The following IL3RA variants were observed in gnomAD, a reference collection of about 807,000 sequenced individuals.
IL3RA encodes the protein interleukin 3 receptor subunit alpha.
IL3RA carries 73 observed loss-of-function variants against 52.3 expected under a neutral mutation model. That is an observed-to-expected ratio of 1.40 (90% CI 1.16 to 1.70). IL3RA has a LOEUF of 1.70. Ranked by LOEUF, IL3RA falls within the 40% of genes most tolerant of loss-of-function variation. The probability of loss-of-function intolerance (pLI) is 0.00; values close to 1 mark genes in which losing one functional copy is unlikely to be tolerated. For synonymous variants in IL3RA, 260 were observed against 194.0 expected (o/e 1.34, Z -2.83); for missense variants, 664 against 504.4 (o/e 1.32, Z -3.03).
At chrX:1,345,929 G>C (rs781099834) in intron 3 of IL3RA, among the ~76,000 whole-genome samples, 5 of 152,154 alleles carry the variant, frequency 3.3e-5, no homozygotes, top group South Asian at 4.1e-4. Flanking sequence ...ACTTTGGAGG[G>C]TCTGGTTCCC....
chrX:1,376,811 A>G (rs1327979686), intron 9 of IL3RA, among the ~76,000 whole-genome samples: 2 of 62,030 alleles, frequency 3.2e-5, no homozygotes, highest in Non-Finnish European at 5.6e-5. Flanking sequence ...ACGGACTAAG[A>G]CATCCCATAA....
chrX:1,341,557 T>C lies in IL3RA; in HGVS notation c.-38-171T>C, dbSNP rs17885489. Among the ~76,000 whole-genome samples the C allele has an allele frequency of 6.6e-3, 26 of 3,912 alleles. No individual in the cohort carries two copies. In the Non-Finnish European group the frequency reaches 0.07, roughly 11 times the overall value. The allele number at this position is 3,912 out of a possible 152,430, so 2.6% of individuals were successfully genotyped here. ...AAGCACACTCTGATGTGCATGCATG[T>C]GCAAAGGCGCATTTGCACACAGACA... is the stretch of plus-strand genomic sequence containing the variant. On this transcript the variant is annotated intron_variant, in intron 1 of 11. Coordinates refer to ENST00000331035, the MANE Select transcript of IL3RA (RefSeq NM_002183.4).
intron 9 of IL3RA, among the ~76,000 whole-genome samples, chrX:1,376,648 G>A (rs1445694902): frequency 3.0e-3 from 438 of 147,892 alleles, no homozygotes; most frequent in East Asian, 0.022. Flanking sequence ...ACAGGGAGAA[G>A]ACGGCGTCTC....
In IL3RA at chrX:1,365,202, G is replaced by A. The variant is rs141828957; in HGVS notation, c.824G>A (p.Arg275Gln). 1.1e-5 allele frequency: 17 copies of A among 1,611,374 alleles called. No homozygotes were observed. The East Asian group carries it at 2.7e-4, about 25-fold the overall frequency. ...ACGTACACAGTACAAATAAGAGCCCGGGAAAGAGTGTATGAATTCTTGAGC... is the reference window on the plus strand; with the variant it reads ...ACGTACACAGTACAAATAAGAGCCCAGGAAAGAGTGTATGAATTCTTGAGC... ...PGTYTVQIRA[R>Q]ERVYEFLSAW... Residue 275 changes from arginine to glutamine, a missense_variant, in exon 9 of 12, where the codon CGG becomes CAG. Physicochemically the swap from Arg to Gln is conservative, Grantham distance 43 (BLOSUM62 1). Coordinates refer to ENST00000331035, the MANE Select transcript of IL3RA (RefSeq NM_002183.4).
At chrX:1,343,845 G>A (rs1430646123) in intron 2 of IL3RA, among the ~76,000 whole-genome samples, 2 of 147,488 alleles carry the variant, frequency 1.4e-5, no homozygotes, top group Non-Finnish European at 3.0e-5. Flanking sequence ...ACCCAGGCTG[G>A]AGTGCAGTGG....
At chrX:1,344,565 G>T (rs1313717962) in intron 2 of IL3RA, among the ~76,000 whole-genome samples, 1 of 151,470 alleles carries the variant, frequency 6.6e-6, no homozygotes, top group Non-Finnish European at 1.5e-5. Context: ...ACGAGGTCAG[G>T]AGATCGAGAC....
At chrX:1,341,898 G>C (rs1300771627) in intron 2 of IL3RA, 69 bp downstream of exon 2, 41 of 1,520,578 alleles carry the variant, frequency 2.7e-5, no homozygotes, top group Non-Finnish European at 3.7e-5. Flanking sequence ...CACAATGTCA[G>C]CGTGCCGTCC....
chrX:1,343,019 G>C lies in IL3RA; in HGVS notation c.64+1190G>C, dbSNP rs772651782. 5.9e-4 allele frequency among the ~76,000 whole-genome samples: 89 copies of C among 151,906 alleles called. 2 individuals carry two copies. The South Asian group carries it at 0.017, about 30-fold the overall frequency. On this transcript the variant is annotated intron_variant, in intron 2 of 11. Transcript: ENST00000331035. ...GAACCCGGGAGGAGGAGGTTGCAGTGAGCCTAGATCACGCCATTGCACTCC... is the reference window on the plus strand; with the variant it reads ...GAACCCGGGAGGAGGAGGTTGCAGTCAGCCTAGATCACGCCATTGCACTCC...
At chrX:1,360,826 C>A (rs1287986081) in intron 8 of IL3RA, among the ~76,000 whole-genome samples, 1 of 151,724 alleles carries the variant, frequency 6.6e-6, no homozygotes, top group Admixed American at 6.6e-5. Flanking sequence ...CCGTGCCCGG[C>A]CCCTCTCTTT....
chrX:1,349,165 G>A (rs1352132590), intron 4 of IL3RA, among the ~76,000 whole-genome samples: 1 of 142,980 alleles, frequency 7.0e-6, no homozygotes, highest in African/African-American at 2.7e-5. Flanking sequence ...GTACCACCAT[G>A]CCCACCTAAT....
At chrX:1,356,481 A>C in intron 7 of IL3RA, 145 bp downstream of exon 7, 3 of 624,732 alleles carry the variant, frequency 4.8e-6, no homozygotes, top group Non-Finnish European at 8.6e-6. Context: ...CAAAAACAAA[A>C]ACAAAAGGCC....
Position 1,348,524 on chromosome X carries a change from T to G in IL3RA, c.277T>G (p.Trp93Gly), listed in dbSNP as rs1217878337. 1 of 1,613,476 alleles carries G rather than the reference T, an allele frequency of 6.2e-7. No individual in the cohort carries two copies. The highest frequency in any genetic ancestry group is 1.1e-5 in the South Asian group (1 of 91,062). The change falls in exon 4 of 12, where the codon TGG becomes GGG. Residue 93 changes from tryptophan to glycine, a missense_variant. Coordinates refer to ENST00000331035, the MANE Select transcript of IL3RA (RefSeq NM_002183.4). ...AGTGGCCAACCCACCATTCTCCACGTGGATCCTCTTCCCTGAGAACAGTGA... is the reference window on the plus strand; with the variant it reads ...AGTGGCCAACCCACCATTCTCCACGGGGATCCTCTTCCCTGAGAACAGTGA... Reference protein sequence around the residue: ...VRVANPPFSTWILFPENSGKP... With the variant: ...VRVANPPFSTGILFPENSGKP...
chrX:1,363,539 T>G, intron 8 of IL3RA, among the ~76,000 whole-genome samples: 1 of 150,376 alleles, frequency 6.6e-6, no homozygotes, highest in East Asian at 2.0e-4. Flanking sequence ...CTGCCCGCCT[T>G]GGCCCTCCAA....
chrX:1,360,368 C>T (rs1422971309), intron 8 of IL3RA, among the ~76,000 whole-genome samples: 1 of 150,900 alleles, frequency 6.6e-6, no homozygotes. Context: ...CTCTCTCTCT[C>T]TCTCTGCCTC....
intron 8 of IL3RA, among the ~76,000 whole-genome samples, chrX:1,363,101 T>C (rs1300427304): frequency 6.6e-6 from 1 of 150,796 alleles, no homozygotes; most frequent in South Asian, 2.1e-4. Context: ...ATAAGGATAT[T>C]GGTCATTGCA....
At position 1,345,398 on chromosome X, in the gene IL3RA, T is replaced by G. The variant is rs139593286; in HGVS notation, c.147T>G (p.Asp49Glu). The G allele has an allele frequency of 3.7e-6, 6 of 1,609,764 alleles. No homozygotes were observed. In the South Asian group the frequency reaches 6.6e-5, roughly 18 times the overall value. ...LTWDLNRNVT[D>E]IECVKDADYS... ...GGGACCTTAACAGAAATGTGACCGA[T>G]ATCGAGTGTGTTAAAGACGCCGACT... Residue 49 changes from aspartate (D) to glutamate (E), a missense_variant, in exon 3 of 12, where the codon GAT becomes GAG. By Grantham distance (45) the Asp-to-Glu change is conservative. Transcript: ENST00000331035.
chrX:1,379,309 CTGCACCCAACTAATTCT>C (rs1233326213), intron 10 of IL3RA, among the ~76,000 whole-genome samples: 1 of 152,012 alleles, frequency 6.6e-6, no homozygotes, highest in Admixed American at 6.6e-5. Context: ...GTGTGCAACA[CTGCACCCAACTAATTCT>C]TGTATTTTTA....
chrX:1,352,175 CG>C lies in IL3RA; in HGVS notation c.376del (p.Val126Ter), dbSNP rs749769594. 6.8e-6 allele frequency: 11 copies of C among 1,613,658 alleles called. No individual in the cohort carries two copies. On this transcript the variant is annotated frameshift_variant, in exon 5 of 12. Coordinates refer to ENST00000331035, the MANE Select transcript of IL3RA (RefSeq NM_002183.4). LOFTEE classifies it high-confidence loss of function. ...GTGGATTTCTTGAGCTGCAGCTGGGCGGTAGGCCCGGGGGCCCCCGCGGACG... is the reference window on the plus strand; with the variant it reads ...GTGGATTTCTTGAGCTGCAGCTGGGCGTAGGCCCGGGGGCCCCCGCGGACG... ...HDVDFLSCSWAVGPGAPADVQ... is the reference protein window; with the variant it reads ...HDVDFLSCSWXVGPGAPADVQ...
chrX:1,344,921 G>C (rs1404177550), intron 2 of IL3RA, among the ~76,000 whole-genome samples: 4 of 150,644 alleles, frequency 2.7e-5, no homozygotes, highest in Admixed American at 1.3e-4. Flanking sequence ...CCAGCACTTT[G>C]GGAGGCTGAG....
Sources: allele counts gnomAD v4.1 joint callset (sites outside exome capture counted in the v4.1 genomes callset), GRCh38; gene constraint gnomAD v4.1.1; transcripts MANE v1.5; gene names NCBI Gene and HGNC (gene_info 2026-07-23, HGNC 2026-07-21).